Variants in CFAP69 observed in about 807,000 individuals in gnomAD.
The protein encoded by CFAP69 is cilia and flagella associated protein 69.
CFAP69 carries 92 observed loss-of-function variants against 123.0 expected under a neutral mutation model. That is an observed-to-expected ratio of 0.75 (90% confidence interval 0.63 to 0.89). The LOEUF (loss-of-function observed/expected upper bound fraction) is 0.89. Ranked by LOEUF, CFAP69 falls within the 40% of genes least tolerant of loss-of-function variation. The pLI is 0.00. For missense variants in CFAP69, 1,067 were observed against 1,096.9 expected (o/e 0.97, Z 0.39); for synonymous variants, 380 against 364.3 (o/e 1.04, Z -0.49).
chr7:90,278,418 T>G (rs1360383989), intron 11 of CFAP69, among the ~76,000 whole-genome samples: 1 of 152,144 alleles, frequency 6.6e-6, no homozygotes. Context: ...TAATTATAAC[T>G]TTATTATTTG....
At chr7:90,290,071 T>C (rs1425695841) in intron 15 of CFAP69, among the ~76,000 whole-genome samples, 1 of 152,196 alleles carries the variant, frequency 6.6e-6, no homozygotes, top group Non-Finnish European at 1.5e-5. Flanking sequence ...CCATTAAGAT[T>C]GTCTTAGCTT....
chr7:90,267,415 C>T (rs775240070), intron 5 of CFAP69, among the ~76,000 whole-genome samples: 1 of 152,100 alleles, frequency 6.6e-6, no homozygotes, highest in African/African-American at 2.4e-5. Flanking sequence ...TACTGACTAC[C>T]GCTGTCCTTG....
chr7:90,307,632 G>T lies in CFAP69; in HGVS notation c.2464-136G>T, dbSNP rs1260433348. The T allele has an allele frequency of 5.5e-6, 3 of 544,258 alleles. No individual in the cohort carries two copies. In the African/African-American group the frequency reaches 6.0e-5, roughly 11 times the overall value. The allele number at this position is 544,258 out of a possible 1,614,324, so 33.7% of individuals were successfully genotyped here. ...TTTGCATTATAATTTTATTTCTACA[G>T]TCTTAAATTTTTAAAAGGCAGAGAG... On this transcript the variant is annotated intron_variant, in intron 20 of 22. Transcript: ENST00000389297.
intron 6 of CFAP69, 75 bp downstream of exon 6, chr7:90,268,459 T>C: frequency 1.8e-6 from 2 of 1,125,006 alleles, no homozygotes; most frequent in Non-Finnish European, 2.6e-6. Context: ...TCTTTGAATT[T>C]GACAGACACA....
At chr7:90,320,612 C>G in the CFAP69 span, 1 of 152,190 alleles carries the variant, frequency 6.6e-6, no homozygotes, top group Non-Finnish European at 1.5e-5. Context: ...GGAAATGTCC[C>G]TTTTACAACA....
chr7:90,260,770 C>T (rs1798213623), intron 3 of CFAP69, among the ~76,000 whole-genome samples: 1 of 151,962 alleles, frequency 6.6e-6, no homozygotes, highest in Non-Finnish European at 1.5e-5. Flanking sequence ...TTTAACCTGA[C>T]ATCTCAACAC....
At chr7:90,307,999 AG>A in intron 21 of CFAP69, 145 bp downstream of exon 21, 1 of 505,692 alleles carries the variant, frequency 2.0e-6, no homozygotes, top group Non-Finnish European at 3.4e-6. Flanking sequence ...TGCAATTTAG[AG>A]TGATAAGTGA....
At chr7:90,319,777 GATAT>G in the CFAP69 span, 1 of 398,194 alleles carries the variant, frequency 2.5e-6, no homozygotes, top group Non-Finnish European at 4.4e-6. Flanking sequence ...AATGAGAGAG[GATAT>G]ATTTAACTTA....
chr7:90,290,807 TTTC>T (rs1280812288), intron 15 of CFAP69, among the ~76,000 whole-genome samples: 1 of 78,020 alleles, frequency 1.3e-5, no homozygotes, highest in African/African-American at 4.8e-5. Flanking sequence ...TTTCTTTTCT[TTTC>T]TTTTCTTTTC....
In CFAP69 at chr7:90,286,810, G is replaced by A. The variant is rs923713249; in HGVS notation, c.1656+411G>A. Among the ~76,000 whole-genome samples, 5 of 152,058 alleles carry A rather than the reference G, an allele frequency of 3.3e-5. No homozygotes were observed. In the East Asian group the frequency reaches 7.7e-4, roughly 24 times the overall value. On this transcript the variant is annotated intron_variant, in intron 14 of 22. Coordinates refer to ENST00000389297, the MANE Select transcript of CFAP69 (RefSeq NM_001039706.3). ...TTTTAGAAATATATCCATGTTGGCC[G>A]GGCATGGTGGCTCAGGCCTGTAATC...
the CFAP69 span, chr7:90,320,920 AC>A: frequency 6.6e-6 from 1 of 152,220 alleles, no homozygotes; most frequent in Non-Finnish European, 1.5e-5. Context: ...GGGTCAGGTC[AC>A]CTGGGCGCAG....
chr7:90,297,188 G>A (rs1322591396), intron 15 of CFAP69, among the ~76,000 whole-genome samples: 1 of 152,194 alleles, frequency 6.6e-6, no homozygotes, highest in Non-Finnish European at 1.5e-5. Context: ...TTGCTGTGAA[G>A]AGTCTGTTTT....
At chr7:90,268,066 T>C (rs1351439004) in intron 5 of CFAP69, among the ~76,000 whole-genome samples, 3 of 152,186 alleles carry the variant, frequency 2.0e-5, no homozygotes, top group South Asian at 4.1e-4. Context: ...GCTGAATTGA[T>C]TGAGGGGCCA....
downstream of CFAP69, among the ~76,000 whole-genome samples, chr7:90,312,225 A>AG (rs1488918039): frequency 5.9e-5 from 9 of 152,260 alleles, no homozygotes; most frequent in African/African-American, 9.6e-5. Context: ...TCAGCCAACA[A>AG]AATACTACAC....
At chr7:90,277,023 C>G (rs1788713970) in intron 9 of CFAP69, 50 bp from the exon 10 acceptor site, 1 of 1,328,348 alleles carries the variant, frequency 7.5e-7, no homozygotes, top group Non-Finnish European at 1.0e-6. Context: ...TGCATCATAA[C>G]TTTCATCTTA....
downstream of CFAP69, among the ~76,000 whole-genome samples, chr7:90,311,877 C>T (rs571783037): frequency 1.2e-4 from 19 of 152,234 alleles, no homozygotes; most frequent in African/African-American, 4.6e-4. Context: ...AGTCTACCAC[C>T]TTCAAGAAGA....
chr7:90,309,558 TA>T lies in CFAP69; in HGVS notation c.2655+201del, dbSNP rs528638871. On this transcript the variant is annotated intron_variant, in intron 22 of 22. Transcript: ENST00000389297. ...AAAAATTAGAAGTTAAAAAAATTAA[TA>T]AAAAAAAAACTTAGGCCCCCAAAAT... Among the ~76,000 whole-genome samples the T allele has an allele frequency of 7.3e-3, 1,088 of 148,700 alleles. 49 individuals are homozygous for T. The highest frequency in any genetic ancestry group is 0.065 in the Admixed American group (975 of 14,886).
At chr7:90,282,578 C>A (rs1038758342) in intron 12 of CFAP69, among the ~76,000 whole-genome samples, 1 of 151,814 alleles carries the variant, frequency 6.6e-6, no homozygotes, top group African/African-American at 2.4e-5. Flanking sequence ...AATGCTGAAA[C>A]GAATTAAAAT....
chr7:90,245,262 G>A lies in CFAP69; in HGVS notation c.-163G>A, dbSNP rs1042347051. 1.6e-4 allele frequency: 147 copies of A among 920,554 alleles called. No individual in the cohort carries two copies. Among genetic ancestry groups the A allele is most frequent in the Admixed American group, 2.5e-4 (6 of 24,226 alleles). 57.0% of individuals were successfully genotyped at this position (920,554 alleles called of 1,614,324 possible). ...GGCAGCGGCGCTAAGCGGACTGTAT[G>A]GCGGTGGCCTAGGCCCCTGGCGGAA... On this transcript the variant is annotated 5_prime_UTR_variant, in exon 1 of 23. An upstream start codon of the reference 5' UTR is lost. Coordinates refer to ENST00000389297, the MANE Select transcript of CFAP69 (RefSeq NM_001039706.3).
Sources: allele counts gnomAD v4.1 joint callset (sites outside exome capture counted in the v4.1 genomes callset), GRCh38; gene constraint gnomAD v4.1.1; transcripts MANE v1.5; gene names NCBI Gene and HGNC (gene_info 2026-07-23, HGNC 2026-07-21).